ZBTB16: variants seen among roughly 807,000 people sequenced by gnomAD.
ZBTB16 encodes the protein zinc finger and BTB domain containing 16, also known as zinc finger and BTB domain-containing protein 16.
Under a neutral mutation model 56.8 loss-of-function variants are expected in ZBTB16, and 8 were observed. That is an observed-to-expected ratio of 0.14 (90% CI 0.08 to 0.25). The LOEUF (loss-of-function observed/expected upper bound fraction) is 0.25, where lower values mean the gene tolerates loss of function less well. ZBTB16 is among the 10% of genes least tolerant of loss of function. The pLI, the probability that ZBTB16 is intolerant of heterozygous loss-of-function variation, is 1.00. For synonymous variants in ZBTB16, 363 were observed against 368.5 expected, an observed-to-expected ratio of 0.98 and a Z score of 0.17; for missense variants, 625 against 903.0, an observed-to-expected ratio of 0.69 and a Z score of 3.95.
intron 2 of ZBTB16, among the ~76,000 whole-genome samples, chr11:114,124,894 C>T (rs1941462991): frequency 6.6e-6 from 1 of 152,210 alleles, no homozygotes; most frequent in South Asian, 2.1e-4. Context: ...AGAAGAGAAG[C>T]AGTCTCTTGA....
At chr11:114,065,564 G>A (rs940197253) in intron 2 of ZBTB16, among the ~76,000 whole-genome samples, 20 of 152,172 alleles carry the variant, frequency 1.3e-4, no homozygotes, top group African/African-American at 4.3e-4. Context: ...TTACAGGCAC[G>A]CACCACCATA....
chr11:114,134,584 G>A (rs548255822), intron 2 of ZBTB16, among the ~76,000 whole-genome samples: 17 of 152,196 alleles, frequency 1.1e-4, no homozygotes, highest in Non-Finnish European at 1.3e-4. Flanking sequence ...TGACCACACA[G>A]TTGAAATTAA....
chr11:114,190,103 T>C (rs1421683654), intron 4 of ZBTB16, among the ~76,000 whole-genome samples: 2 of 152,130 alleles, frequency 1.3e-5, no homozygotes. Context: ...ATATCTAGAA[T>C]AGGCAAATCT....
chr11:114,250,625 A>C lies in ZBTB16; in HGVS notation c.*70A>C. 1 of 1,478,856 alleles carries C rather than the reference A, an allele frequency of 6.8e-7. No homozygotes were observed. Among genetic ancestry groups the C allele is most frequent in the Non-Finnish European group, 9.3e-7 (1 of 1,076,162 alleles). 91.6% of individuals were successfully genotyped at this position (1,478,856 alleles called of 1,614,324 possible). On this transcript the variant is annotated 3_prime_UTR_variant, in exon 7 of 7. Coordinates refer to ENST00000335953, the MANE Select transcript of ZBTB16 (RefSeq NM_006006.6). The surrounding 1 kb of genome is among the most constrained non-coding windows in gnomAD (Gnocchi z 6.0). ...AGAGTTGGAGTGAGATGAAGGAAGG[A>C]CTATGACAAATAAAAAAGGAAAAGA...
intron 4 of ZBTB16, among the ~76,000 whole-genome samples, chr11:114,191,585 C>G (rs940371034): frequency 6.6e-6 from 1 of 152,164 alleles, no homozygotes; most frequent in African/African-American, 2.4e-5. Context: ...TCCACGACTC[C>G]CCAGCTGCCT....
At chr11:114,153,142 C>T (rs485550) in intron 2 of ZBTB16, among the ~76,000 whole-genome samples, 108,833 of 152,084 alleles carry the variant, frequency 0.72, 39,384 homozygotes, top group Middle Eastern at 0.85. Flanking sequence ...GCACTGAAAT[C>T]CTCCACCATT....
intron 2 of ZBTB16, among the ~76,000 whole-genome samples, chr11:114,114,134 CCA>C (rs1941102469): frequency 6.6e-6 from 1 of 152,180 alleles, no homozygotes; most frequent in Admixed American, 6.5e-5. Flanking sequence ...ATACTGGGGT[CCA>C]GAATAACTTG....
chr11:114,172,588 T>C (rs531718047), intron 3 of ZBTB16, among the ~76,000 whole-genome samples: 25 of 152,272 alleles, frequency 1.6e-4, no homozygotes, highest in African/African-American at 5.8e-4. Context: ...TTCCATCCCC[T>C]TTCCAGGCTG....
rs1038931323 is a variant in ZBTB16 at position 114,251,270 on chromosome 11, C to T, written c.*715C>T. 5.3e-4 allele frequency among the ~76,000 whole-genome samples: 80 copies of T among 152,228 alleles called. 1 individual carries two copies. Among genetic ancestry groups the T allele is most frequent in the African/African-American group, 1.8e-3 (75 of 41,514 alleles). On this transcript the variant is annotated 3_prime_UTR_variant, in exon 7 of 7. Transcript: ENST00000335953. ...GAGTCCCAGCCCCTCAGGGACCTGG[C>T]GGTGTCTCCATCCTTCTCCGGTTCC... is the stretch of plus-strand genomic sequence containing the variant.
chr11:114,217,491 C>G (rs1024786222), intron 4 of ZBTB16, among the ~76,000 whole-genome samples: 2 of 152,058 alleles, frequency 1.3e-5, no homozygotes, highest in Admixed American at 1.3e-4. Context: ...GCTCGAGTGA[C>G]CAAGAGGATG....
At chr11:114,067,438 ACT>A (rs1330294614) in intron 2 of ZBTB16, among the ~76,000 whole-genome samples, 2 of 151,870 alleles carry the variant, frequency 1.3e-5, no homozygotes, top group East Asian at 3.9e-4. Context: ...GCAGAGTCTT[ACT>A]CTGTCGCCCA....
rs1219571901 is a variant in ZBTB16 at position 114,254,516 on chromosome 11, G to A, written c.*3961G>A. On this transcript the variant is annotated 3_prime_UTR_variant, in exon 7 of 7. Transcript: ENST00000335953. The stretch of plus-strand genomic sequence containing the variant: ...TGAGCTTACCTCCCTATAGGGGAGA[G>A]AGCAGAGGTGGGGCAGCCTTTCGAC... Among the ~76,000 whole-genome samples, 1 of 152,230 alleles carries A rather than the reference G, an allele frequency of 6.6e-6. No homozygotes were observed. The highest frequency in any genetic ancestry group is 1.5e-5 in the Non-Finnish European group (1 of 68,040).
chr11:114,230,631 T>TGGGGGGGG (rs35466609), intron 4 of ZBTB16, among the ~76,000 whole-genome samples: 1 of 102,408 alleles, frequency 9.8e-6, no homozygotes, highest in African/African-American at 4.0e-5. Flanking sequence ...TCATCTTCTG[T>TGGGGGGGG]GGGGGGGGGG....
chr11:114,076,197 T>A (rs764959209), intron 2 of ZBTB16, among the ~76,000 whole-genome samples: 1 of 152,142 alleles, frequency 6.6e-6, no homozygotes, highest in Non-Finnish European at 1.5e-5. Context: ...TTAAAAGAAA[T>A]CTGTCCATCT....
At chr11:114,240,973 T>G (rs919938232) in intron 4 of ZBTB16, among the ~76,000 whole-genome samples, 1 of 152,234 alleles carries the variant, frequency 6.6e-6, no homozygotes, top group African/African-American at 2.4e-5. Context: ...CCAGCTGCAC[T>G]GCACCATTCC....
intron 3 of ZBTB16, among the ~76,000 whole-genome samples, chr11:114,178,040 T>C (rs1180290237): frequency 1.3e-5 from 2 of 152,176 alleles, no homozygotes; most frequent in African/African-American, 2.4e-5. Flanking sequence ...CCATTAAACA[T>C]TGGCCATGAG....
At position 114,143,635 on chromosome 11, in the gene ZBTB16, G is replaced by A. The variant is rs1942020213; in HGVS notation, c.1269-12702G>A. Among the ~76,000 whole-genome samples, 2 of 152,204 alleles carry A rather than the reference G, an allele frequency of 1.3e-5. No homozygotes were observed. The highest frequency in any genetic ancestry group is 4.1e-4 in the South Asian group (2 of 4,836). On this transcript the variant is annotated intron_variant, in intron 2 of 6. Transcript: ENST00000335953. This position sits in a 1 kb window ranked among gnomAD's most constrained non-coding sequence, Gnocchi z 6.4. ...TGTGGTCAGGTGATCACTGATGTGTGTCAGTGTATTGTAAGAGTGGGGCCA... is the reference window on the plus strand; with the variant it reads ...TGTGGTCAGGTGATCACTGATGTGTATCAGTGTATTGTAAGAGTGGGGCCA...
At chr11:114,217,663 G>A (rs767761161) in intron 4 of ZBTB16, among the ~76,000 whole-genome samples, 2 of 152,196 alleles carry the variant, frequency 1.3e-5, no homozygotes, top group African/African-American at 2.4e-5. Context: ...GTCCAGGCTG[G>A]AGGCCTCCTG....
At chr11:114,082,321 G>C (rs1404748632) in intron 2 of ZBTB16, among the ~76,000 whole-genome samples, 2 of 152,046 alleles carry the variant, frequency 1.3e-5, no homozygotes, top group Non-Finnish European at 2.9e-5. Flanking sequence ...CACACACCAT[G>C]AACTGTAGCT....
Sources: allele counts gnomAD v4.1 joint callset (sites outside exome capture counted in the v4.1 genomes callset), GRCh38; gene constraint gnomAD v4.1.1; non-coding constraint Gnocchi (gnomAD v3.1); transcripts MANE v1.5; gene names NCBI Gene and HGNC (gene_info 2026-07-23, HGNC 2026-07-21).